The following IMMP2L variants were observed in gnomAD, a reference collection of about 807,000 sequenced individuals.
IMMP2L encodes the protein inner mitochondrial membrane peptidase subunit 2, also known as mitochondrial inner membrane protease subunit 2.
A neutral mutation model predicts 19.3 loss-of-function variants in IMMP2L; 18 were observed. That is an observed-to-expected ratio of 0.93 (90% CI 0.64 to 1.38). The LOEUF is 1.38. Ranked by LOEUF, IMMP2L falls within the 40% of genes most tolerant of loss-of-function variation. The pLI is 0.00. For missense variants in IMMP2L, 233 were observed against 218.2 expected (o/e 1.07, Z -0.43); for synonymous variants, 76 against 73.0 (o/e 1.04, Z -0.21).
chr7:110,988,649 C>T (rs1420760959), intron 3 of IMMP2L, among the ~76,000 whole-genome samples: 1 of 152,046 alleles, frequency 6.6e-6, no homozygotes, highest in East Asian at 1.9e-4. Flanking sequence ...GGTCTATATA[C>T]ATGCCCAGAT....
At chr7:111,481,274 G>C (rs769114546) in intron 3 of IMMP2L, among the ~76,000 whole-genome samples, 26 of 152,138 alleles carry the variant, frequency 1.7e-4, no homozygotes, top group Non-Finnish European at 2.5e-4. Flanking sequence ...ACCAGGGCCA[G>C]AATGACTTCT....
intron 3 of IMMP2L, among the ~76,000 whole-genome samples, chr7:111,471,548 T>C (rs1214754203): frequency 6.6e-6 from 1 of 152,144 alleles, no homozygotes; most frequent in Non-Finnish European, 1.5e-5. Flanking sequence ...TAAGACCTTA[T>C]TTCGAAAAAT....
rs1918754 is a variant in IMMP2L at position 110,827,162 on chromosome 7, A to T, written c.408+59431T>A. Among the ~76,000 whole-genome samples the T allele has an allele frequency of 5.4e-3, 816 of 152,242 alleles. 13 individuals are homozygous for T. The highest frequency in any genetic ancestry group is 0.018 in the African/African-American group (766 of 41,560). On this transcript the variant is annotated intron_variant, in intron 5 of 5. Coordinates refer to ENST00000405709, the MANE Select transcript of IMMP2L (RefSeq NM_032549.4). ...GTTTTGGAAATACCCAGGGGTTTAT[A>T]GACTCCACTTAGAAAACTGCTTCCC...
At position 110,814,700 on chromosome 7, in the gene IMMP2L, G is replaced by GATAT. The variant is rs143894798; in HGVS notation, c.408+71889_408+71892dup. Among the ~76,000 whole-genome samples, 953 of 143,966 alleles carry GATAT rather than the reference G, an allele frequency of 6.6e-3. 4 individuals carry two copies. Among genetic ancestry groups the GATAT allele is most frequent in the African/African-American group, 0.023 (892 of 39,640 alleles). 94.4% of individuals were successfully genotyped at this position (143,966 alleles called of 152,430 possible). On this transcript the variant is annotated intron_variant, in intron 5 of 5. Transcript: ENST00000405709. ...CAACAAAAACAATTGGTCAAGTACAGATATATATATATATATATGTATATA... is the reference window on the plus strand; with the variant it reads ...CAACAAAAACAATTGGTCAAGTACAGATATATATATATATATATATATGTATATA...
intron 4 of IMMP2L, among the ~76,000 whole-genome samples, chr7:110,910,545 G>C (rs1157641517): frequency 1.3e-5 from 2 of 152,144 alleles, no homozygotes; most frequent in African/African-American, 4.8e-5. Context: ...AGTGTGAAAA[G>C]AAAGGAAGAA....
At chr7:110,664,924 T>G (rs1263279789) in intron 5 of IMMP2L, 1 of 152,174 alleles carries the variant, frequency 6.6e-6, no homozygotes, top group African/African-American at 2.4e-5. Context: ...TCACATGAAT[T>G]CAGGAAATCT....
intron 3 of IMMP2L, among the ~76,000 whole-genome samples, chr7:111,323,031 T>A (rs1222629917): frequency 6.6e-6 from 1 of 151,824 alleles, no homozygotes; most frequent in Non-Finnish European, 1.5e-5. Flanking sequence ...TAAACTCTCT[T>A]TCTTCAAAAT....
At chr7:111,510,407 T>C (rs562233670) in intron 2 of IMMP2L, among the ~76,000 whole-genome samples, 2 of 152,154 alleles carry the variant, frequency 1.3e-5, no homozygotes, top group East Asian at 3.9e-4. Flanking sequence ...GATATAGATA[T>C]TGATACAGAT....
At chr7:110,800,435 G>T (rs1405707537) in intron 5 of IMMP2L, among the ~76,000 whole-genome samples, 2 of 151,930 alleles carry the variant, frequency 1.3e-5, no homozygotes, top group East Asian at 3.9e-4. Context: ...GAATGGCCAA[G>T]AAAAGAGAAC....
intron 4 of IMMP2L, among the ~76,000 whole-genome samples, chr7:110,935,960 A>G (rs937523795): frequency 1.3e-5 from 2 of 152,166 alleles, no homozygotes; most frequent in Non-Finnish European, 2.9e-5. Flanking sequence ...AGGATTCCCT[A>G]TTTAATAAAT....
intron 3 of IMMP2L, among the ~76,000 whole-genome samples, chr7:110,987,071 G>A (rs1378976125): frequency 6.6e-6 from 1 of 151,962 alleles, no homozygotes; most frequent in East Asian, 1.9e-4. Flanking sequence ...TGGATAGACA[G>A]GATAAACTTA....
intron 3 of IMMP2L, among the ~76,000 whole-genome samples, chr7:111,080,774 A>G (rs1185363154): frequency 1.3e-5 from 2 of 152,194 alleles, no homozygotes; most frequent in African/African-American, 2.4e-5. Context: ...TACGCTAGGC[A>G]TTGTGCTGAG....
At chr7:111,220,576 TGATG>T (rs34015257) in intron 3 of IMMP2L, among the ~76,000 whole-genome samples, 26,048 of 148,256 alleles carry the variant, frequency 0.18, 2,433 homozygotes, top group South Asian at 0.3. Context: ...CAGAGAAACA[TGATG>T]GATGGATGGA....
At chr7:111,072,672 G>A (rs553781869) in intron 3 of IMMP2L, among the ~76,000 whole-genome samples, 2 of 152,268 alleles carry the variant, frequency 1.3e-5, no homozygotes, top group Admixed American at 1.3e-4. Context: ...GAGGCAGGCG[G>A]ATCACGAGGT....
chr7:110,874,399 T>C (rs1446136932), intron 5 of IMMP2L, among the ~76,000 whole-genome samples: 1 of 151,994 alleles, frequency 6.6e-6, no homozygotes, highest in Admixed American at 6.6e-5. Context: ...CAAATTTACT[T>C]TGATGTGACA....
At chr7:111,119,832 A>G (rs1331293470) in intron 3 of IMMP2L, among the ~76,000 whole-genome samples, 1 of 152,166 alleles carries the variant, frequency 6.6e-6, no homozygotes, top group Non-Finnish European at 1.5e-5. Context: ...GGAAAGGATC[A>G]AGGAAATGCC....
At chr7:111,361,803 T>C (rs1356095921) in intron 3 of IMMP2L, among the ~76,000 whole-genome samples, 1 of 152,142 alleles carries the variant, frequency 6.6e-6, no homozygotes, top group African/African-American at 2.4e-5. Flanking sequence ...ACTAACAAGA[T>C]AATAACCTTT....
At chr7:111,291,717 T>C (rs1288252797) in intron 3 of IMMP2L, among the ~76,000 whole-genome samples, 1 of 152,116 alleles carries the variant, frequency 6.6e-6, no homozygotes, top group Non-Finnish European at 1.5e-5. Flanking sequence ...AATAATGCAT[T>C]GCATATTTCA....
rs1792106695 is a variant in IMMP2L, at chr7:111,561,832, C to G, written c.-3+19G>C. The stretch of plus-strand genomic sequence containing the variant: ...GATAAAGTCCTAGGTCCTTCCACCC[C>G]TGACCATTCCTTACTTACCCTTTCT... On this transcript the variant is annotated intron_variant, in intron 1 of 5. Coordinates refer to ENST00000405709, the MANE Select transcript of IMMP2L (RefSeq NM_032549.4). 1 of 152,720 alleles carries G rather than the reference C, an allele frequency of 6.5e-6. No individual in the cohort carries two copies. Among genetic ancestry groups the G allele is most frequent in the African/African-American group, 2.4e-5 (1 of 41,442 alleles). 9.5% of individuals were successfully genotyped at this position (152,720 alleles called of 1,614,324 possible). A position where few individuals can be genotyped will look rare whatever the true frequency, so the allele number is the denominator to read the frequency against.
Sources: gnomAD v4.1 joint callset for allele counts (sites outside exome capture counted in the v4.1 genomes callset) on GRCh38, gnomAD v4.1.1 for gene constraint, MANE v1.5 for transcripts, NCBI Gene and HGNC (gene_info 2026-07-23, HGNC 2026-07-21) for gene names.